The following LPAR5 variants were observed in gnomAD, a reference collection of about 807,000 sequenced individuals.
The protein encoded by LPAR5 is G protein-coupled receptor 92.
For synonymous variants in LPAR5, 271 were observed against 261.6 expected (o/e 1.04, Z -0.35); for missense variants, 544 against 521.8 (o/e 1.04, Z -0.41).
chr12:6,635,769 G>A (rs969891422), intron 1 of LPAR5, 138 bp downstream of exon 1: 2 of 152,186 alleles, frequency 1.3e-5, no homozygotes, highest in East Asian at 1.9e-4. Flanking sequence ...AGCTCCTTTC[G>A]GCTTTTTACT....
chr12:6,626,966 T>C (rs1160286394), intron 1 of LPAR5, among the ~76,000 whole-genome samples: 1 of 152,224 alleles, frequency 6.6e-6, no homozygotes, highest in African/African-American at 2.4e-5. Context: ...TATTCATCTT[T>C]GTGTATTCTC....
At chr12:6,629,956 G>A (rs1043773028) in intron 1 of LPAR5, among the ~76,000 whole-genome samples, 13 of 147,818 alleles carry the variant, frequency 8.8e-5, no homozygotes, top group South Asian at 2.2e-4. Context: ...CCCAGGAGGC[G>A]GAAGTTGCAG....
chr12:6,621,612 T>G, intron 1 of LPAR5, 148 bp from the exon 2 acceptor site: 1 of 194,532 alleles, frequency 5.1e-6, no homozygotes, highest in Non-Finnish European at 1.0e-5. Context: ...CTATATAGTA[T>G]AGTGTTAAAC....
chr12:6,620,131 C>G lies in LPAR5; in HGVS notation c.1118G>C (p.Ter373SerextTer80). 6.2e-7 allele frequency: 1 copy of G among 1,613,836 alleles called. No individual in the cohort carries two copies. Residue 373 changes from the stop codon to serine (S), a stop_lost, in exon 2 of 2, where the codon TGA becomes TCA. Transcript: ENST00000329858. This position sits in a 1 kb window ranked among gnomAD's most constrained non-coding sequence, Gnocchi z 6.8. ...FTQCPQDSAL* is the reference protein window; with the variant it reads ...FTQCPQDSALS ...CGGACAGCGCAATGGCATGTGTGTT[C>G]AGAGGGCGGAATCCTGGGGACACTG...
In LPAR5 at chr12:6,618,935, A is replaced by G. The variant is rs1409376252; in HGVS notation, c.*1195T>C. On this transcript the variant is annotated 3_prime_UTR_variant, in exon 2 of 2. Coordinates refer to ENST00000329858, the MANE Select transcript of LPAR5 (RefSeq NM_020400.6). ...GGGAAGAAGTTAGACATGAACTCCAATACTTCAGGACAAGTATGGTTCTCA... is the reference window on the plus strand; with the variant it reads ...GGGAAGAAGTTAGACATGAACTCCAGTACTTCAGGACAAGTATGGTTCTCA... The G allele has an allele frequency of 2.6e-5, 4 of 152,232 alleles. No homozygotes were observed. The highest frequency in any genetic ancestry group is 1.9e-4 in the East Asian group (1 of 5,202). 9.4% of individuals were successfully genotyped at this position (152,232 alleles called of 1,614,324 possible).
intron 1 of LPAR5, among the ~76,000 whole-genome samples, chr12:6,624,632 T>C (rs1948921028): frequency 6.6e-6 from 1 of 152,268 alleles, no homozygotes; most frequent in Non-Finnish European, 1.5e-5. Context: ...TTCCGTTTTT[T>C]TCTTTGAGAC....
At chr12:6,629,240 GT>G (rs1948966134) in intron 1 of LPAR5, among the ~76,000 whole-genome samples, 1 of 151,472 alleles carries the variant, frequency 6.6e-6, no homozygotes, top group Non-Finnish European at 1.5e-5. Context: ...GCCAGGGGTG[GT>G]GGCACACGCC....
chr12:6,619,361 G>T lies in LPAR5; in HGVS notation c.*769C>A, dbSNP rs1592295236. ...GAGAGAGAGAAGAGGAGAAGAGAGAGGAGAGGAGAGGAGAGAGAAGAGAGA... is the reference window on the plus strand; with the variant it reads ...GAGAGAGAGAAGAGGAGAAGAGAGATGAGAGGAGAGGAGAGAGAAGAGAGA... On this transcript the variant is annotated 3_prime_UTR_variant, in exon 2 of 2. Transcript: ENST00000329858. 5.3e-5 allele frequency: 1 copy of T among 18,848 alleles called. No individual in the cohort carries two copies. The highest frequency in any genetic ancestry group is 4.5e-4 in the Non-Finnish European group (1 of 2,202). 1.2% of individuals were successfully genotyped at this position (18,848 alleles called of 1,614,324 possible).
chr12:6,627,071 T>C (rs1948946532), intron 1 of LPAR5, among the ~76,000 whole-genome samples: 1 of 152,244 alleles, frequency 6.6e-6, no homozygotes, highest in Non-Finnish European at 1.5e-5. Flanking sequence ...CATAGATACA[T>C]TATTTCACTT....
At chr12:6,633,399 TCTC>T (rs1479127558) in intron 1 of LPAR5, among the ~76,000 whole-genome samples, 2 of 151,086 alleles carry the variant, frequency 1.3e-5, no homozygotes, top group African/African-American at 4.9e-5. Context: ...GCCGGTTCCT[TCTC>T]CTGGGTTTTG....
chr12:6,627,486 G>T (rs1354222909), intron 1 of LPAR5, among the ~76,000 whole-genome samples: 4 of 150,952 alleles, frequency 2.6e-5, no homozygotes, highest in Admixed American at 2.6e-4. Context: ...AACTACTCGG[G>T]AGGCTGAGGC....
In LPAR5 at chr12:6,619,329, A is replaced by AGAGG. The variant is rs1207518891; in HGVS notation, c.*797_*800dup. On this transcript the variant is annotated 3_prime_UTR_variant, in exon 2 of 2. Coordinates refer to ENST00000329858, the MANE Select transcript of LPAR5 (RefSeq NM_020400.6). ...TATCCTTACTCTGGACAAAGGAGAG[A>AGAGG]GAGGGAGAGAGAGAGAAGAGGAGAA... The AGAGG allele has an allele frequency of 6.8e-6, 1 of 147,224 alleles. No homozygotes were observed. Among genetic ancestry groups the AGAGG allele is most frequent in the Non-Finnish European group, 1.5e-5 (1 of 66,662 alleles). 9.1% of individuals were successfully genotyped at this position (147,224 alleles called of 1,614,324 possible).
chr12:6,625,356 C>T (rs919328026), intron 1 of LPAR5, among the ~76,000 whole-genome samples: 1 of 141,568 alleles, frequency 7.1e-6, no homozygotes, highest in Non-Finnish European at 1.5e-5. Flanking sequence ...ACCCGGGAGG[C>T]GGAGCTTGCA....
At chr12:6,626,232 G>A (rs187308492) in intron 1 of LPAR5, among the ~76,000 whole-genome samples, 62 of 152,222 alleles carry the variant, frequency 4.1e-4, no homozygotes, top group Admixed American at 2.4e-3. Flanking sequence ...CTAAGATCGC[G>A]CCACTGCACT....
Position 6,626,739 on chromosome 12 carries a change from C to T in LPAR5, c.-216-5275G>A, listed in dbSNP as rs116493524. Among the ~76,000 whole-genome samples the T allele has an allele frequency of 3.3e-3, 499 of 152,330 alleles. 3 individuals carry two copies. Among genetic ancestry groups the T allele is most frequent in the Non-Finnish European group, 4.6e-3 (315 of 68,032 alleles). ...CTTCAACTTGGAATGCCCTGCCTCC[C>T]GTTCTCCAACTGGCAAGCCTAGTAT... On this transcript the variant is annotated intron_variant, in intron 1 of 1. Coordinates refer to ENST00000329858, the MANE Select transcript of LPAR5 (RefSeq NM_020400.6).
At chr12:6,630,094 CTT>C (rs985112118) in intron 1 of LPAR5, among the ~76,000 whole-genome samples, 1 of 151,938 alleles carries the variant, frequency 6.6e-6, no homozygotes, top group African/African-American at 2.4e-5. Context: ...GCGATGCTCT[CTT>C]GTTACTCTAT....
intron 1 of LPAR5, 102 bp downstream of exon 1, chr12:6,635,805 C>T (rs564642522): frequency 6.6e-6 from 1 of 152,500 alleles, no homozygotes; most frequent in African/African-American, 2.4e-5. Flanking sequence ...TTCCAGGGCC[C>T]ATGCCCACCC....
intron 1 of LPAR5, 38 bp from the exon 2 acceptor site, chr12:6,621,502 A>G: frequency 2.6e-6 from 1 of 383,906 alleles, no homozygotes; most frequent in Non-Finnish European, 4.8e-6. Context: ...ATACAGAGAC[A>G]GGGCTGCACA....
At position 6,628,062 on chromosome 12, in the gene LPAR5, T is replaced by C. The variant is rs1338177945; in HGVS notation, c.-216-6598A>G. 6.0e-5 allele frequency among the ~76,000 whole-genome samples: 9 copies of C among 149,990 alleles called. No individual in the cohort carries two copies. The East Asian group carries it at 1.8e-3, about 29-fold the overall frequency. On this transcript the variant is annotated intron_variant, in intron 1 of 1. Transcript: ENST00000329858. ...TTTGAGACAGAGTCTTGCTCTGTCGTCCGGGCTGGAGTGCAGTGGCTCAAT... is the reference window on the plus strand; with the variant it reads ...TTTGAGACAGAGTCTTGCTCTGTCGCCCGGGCTGGAGTGCAGTGGCTCAAT...
Sources: gnomAD v4.1 joint callset for allele counts (sites outside exome capture counted in the v4.1 genomes callset) on GRCh38, gnomAD v4.1.1 for gene constraint, Gnocchi (gnomAD v3.1) non-coding constraint, MANE v1.5 for transcripts, NCBI Gene and HGNC (gene_info 2026-07-23, HGNC 2026-07-21) for gene names.